The following MPP7 variants were observed in gnomAD, a reference collection of about 807,000 sequenced individuals.
The protein encoded by MPP7 is MAGUK p55 subfamily member 7.
Under a neutral mutation model 76.5 loss-of-function variants are expected in MPP7, and 60 were observed. That is an observed-to-expected ratio of 0.78 (90% CI 0.64 to 0.97). MPP7 has a LOEUF of 0.97. Ranked by LOEUF, MPP7 falls within the 50% of genes least tolerant of loss-of-function variation. The pLI is 0.00. For synonymous variants in MPP7, 237 were observed against 244.5 expected, an observed-to-expected ratio of 0.97 and a Z score of 0.29; for missense variants, 641 against 694.0, an observed-to-expected ratio of 0.92 and a Z score of 0.86.
intron 1 of MPP7, among the ~76,000 whole-genome samples, chr10:28,275,934 C>T (rs1033937648): frequency 4.0e-5 from 6 of 151,794 alleles, no homozygotes. Context: ...TTATGTATCT[C>T]ATAATCATTA....
chr10:28,069,675 T>C, intron 13 of MPP7, 97 bp downstream of exon 13: 1 of 1,030,796 alleles, frequency 9.7e-7, no homozygotes, highest in Non-Finnish European at 1.4e-6. Flanking sequence ...ACCCAAAAAA[T>C]TTTAAAAACA....
In MPP7 at chr10:28,124,100, A is replaced by C. The variant is rs1196273956; in HGVS notation, c.546T>G (p.Gly182=). The part of the protein sequence containing the change: ...AADRSGLIHV[G]DELREVNGIP... Reference sequence around the variant, plus strand: ...TCCCGTTGACTTCCCTAAGTTCATCACCAACATGAATAAGACCTGAGAAAT... The same window carrying C: ...TCCCGTTGACTTCCCTAAGTTCATCCCCAACATGAATAAGACCTGAGAAAT... The change falls in exon 8 of 17, where the codon GGT becomes GGG. Residue 182 remains glycine, a synonymous_variant. Coordinates refer to ENST00000683449, the MANE Select transcript of MPP7 (RefSeq NM_001318170.2). 1 of 1,610,104 alleles carries C rather than the reference A, an allele frequency of 6.2e-7. No homozygotes were observed. The highest frequency in any genetic ancestry group is 8.5e-7 in the Non-Finnish European group (1 of 1,176,484).
intron 12 of MPP7, among the ~76,000 whole-genome samples, chr10:28,082,790 G>A (rs573208799): frequency 3.9e-5 from 6 of 152,074 alleles, no homozygotes; most frequent in South Asian, 2.1e-4. Context: ...TTTTAGAGAC[G>A]AGGTTTCACT....
chr10:28,331,087 G>A (rs1027657245), intron 1 of MPP7, among the ~76,000 whole-genome samples: 3 of 152,174 alleles, frequency 2.0e-5, no homozygotes, highest in Admixed American at 6.5e-5. Flanking sequence ...TTAAATGAGG[G>A]CAGAGTCATA....
At chr10:28,241,621 CAA>C (rs1564727163) in intron 1 of MPP7, among the ~76,000 whole-genome samples, 1 of 149,620 alleles carries the variant, frequency 6.7e-6, no homozygotes, top group Non-Finnish European at 1.5e-5. Flanking sequence ...CGATTTACTA[CAA>C]CACAAAAATA....
chr10:28,150,089 A>T, intron 3 of MPP7, 30 bp from the exon 4 acceptor site: 1 of 1,504,712 alleles, frequency 6.6e-7, no homozygotes, highest in Admixed American at 1.7e-5. Flanking sequence ...ATATAAGTTC[A>T]CCTGCTAGCA....
chr10:28,306,337 A>G (rs79255181), upstream of MPP7, among the ~76,000 whole-genome samples: 117 of 152,316 alleles, frequency 7.7e-4, 5 homozygotes, highest in East Asian at 0.022. Context: ...TCACCCTAAT[A>G]GAGGACAGAA....
At chr10:28,238,495 G>A in intron 2 of MPP7, 73 bp downstream of exon 2, 1 of 1,456,110 alleles carries the variant, frequency 6.9e-7, no homozygotes. Context: ...TTTGCTTAAA[G>A]CATGCTGTAT....
At chr10:28,247,040 T>G (rs972112570) in intron 1 of MPP7, among the ~76,000 whole-genome samples, 5 of 152,174 alleles carry the variant, frequency 3.3e-5, no homozygotes, top group Non-Finnish European at 7.4e-5. Context: ...CATAGCCCAT[T>G]ATGACTGATA....
chr10:28,300,655 G>T (rs554487911), intron 1 of MPP7, among the ~76,000 whole-genome samples: 1 of 152,066 alleles, frequency 6.6e-6, no homozygotes, highest in Non-Finnish European at 1.5e-5. Flanking sequence ...TTCATGATTA[G>T]AACAGTTACA....
intron 12 of MPP7, among the ~76,000 whole-genome samples, chr10:28,077,704 G>A (rs932047922): frequency 5.9e-5 from 9 of 152,136 alleles, no homozygotes; most frequent in Non-Finnish European, 1.2e-4. Flanking sequence ...TTACCCCTTC[G>A]ATAAAGAAAT....
chr10:28,237,360 G>A (rs73608079), intron 2 of MPP7, among the ~76,000 whole-genome samples: 1 of 152,072 alleles, frequency 6.6e-6, no homozygotes, highest in African/African-American at 2.4e-5. Flanking sequence ...AATTTCCAAA[G>A]GGTCTGGCTT....
At chr10:28,113,594 T>C (rs895520059) in intron 11 of MPP7, among the ~76,000 whole-genome samples, 1 of 152,112 alleles carries the variant, frequency 6.6e-6, no homozygotes, top group Non-Finnish European at 1.5e-5. Flanking sequence ...ACTTAGGCAT[T>C]AGGCCTTCCA....
intron 2 of MPP7, among the ~76,000 whole-genome samples, chr10:28,309,208 G>C (rs926355133): frequency 2.0e-5 from 3 of 152,168 alleles, no homozygotes; most frequent in Non-Finnish European, 4.4e-5. Flanking sequence ...GAGGTCAGGA[G>C]TTCAAGACCA....
At chr10:28,281,994 TAAG>T (rs1840688269) in intron 1 of MPP7, 1 of 152,134 alleles carries the variant, frequency 6.6e-6, no homozygotes, top group Admixed American at 6.5e-5. Flanking sequence ...GAGTCATCGT[TAAG>T]AAGAACACCC....
intron 12 of MPP7, among the ~76,000 whole-genome samples, chr10:28,088,844 C>A (rs1171004628): frequency 1.3e-5 from 2 of 152,134 alleles, no homozygotes; most frequent in African/African-American, 4.8e-5. Context: ...TCAAGGCAAT[C>A]GATGTTTGTG....
chr10:28,209,311 T>A (rs1026131776), intron 2 of MPP7, among the ~76,000 whole-genome samples: 2 of 151,636 alleles, frequency 1.3e-5, no homozygotes, highest in Admixed American at 6.6e-5. Flanking sequence ...CAAAAAAAAA[T>A]TTTATGTTAG....
chr10:28,139,445 G>C (rs888235816), intron 5 of MPP7, among the ~76,000 whole-genome samples: 1 of 151,968 alleles, frequency 6.6e-6, no homozygotes, highest in African/African-American at 2.4e-5. Flanking sequence ...TCACACTTTC[G>C]GCCTCCAACA....
intron 11 of MPP7, among the ~76,000 whole-genome samples, chr10:28,108,649 C>T (rs1271055403): frequency 6.6e-6 from 1 of 151,064 alleles, no homozygotes; most frequent in African/African-American, 2.4e-5. Flanking sequence ...AGAGCCAGAC[C>T]CTGTCTCAAA....
Sources: allele counts gnomAD v4.1 joint callset (sites outside exome capture counted in the v4.1 genomes callset), GRCh38; gene constraint gnomAD v4.1.1; transcripts MANE v1.5; gene names NCBI Gene and HGNC (gene_info 2026-07-23, HGNC 2026-07-21).